Variants in FBXO25 observed in about 807,000 individuals in gnomAD.
The protein encoded by FBXO25 is F-box only protein 25.
Under a neutral mutation model 51.9 loss-of-function variants are expected in FBXO25, and 45 were observed. The observed-to-expected ratio is 0.87, with a 90% confidence interval of 0.68 to 1.11. FBXO25 has a LOEUF of 1.11. FBXO25 is among the 50% of genes most tolerant of loss of function. The probability of loss-of-function intolerance (pLI) is 0.00; values close to 1 mark genes in which losing one functional copy is unlikely to be tolerated. For synonymous variants in FBXO25, 199 were observed against 151.0 expected (o/e 1.32, Z -2.33); for missense variants, 507 against 428.5 (o/e 1.18, Z -1.62).
chr8:410,083 C>T (rs143236091), intron 1 of FBXO25, among the ~76,000 whole-genome samples: 146 of 152,238 alleles, frequency 9.6e-4, no homozygotes, highest in African/African-American at 2.7e-3. Context: ...TGCTTCAGGG[C>T]GAAGATCGAG....
chr8:434,934 G>T lies in FBXO25; in HGVS notation c.289-681G>T, dbSNP rs191400767. Among the ~76,000 whole-genome samples the T allele has an allele frequency of 2.0e-5, 3 of 151,976 alleles. No individual in the cohort carries two copies. The East Asian group carries it at 5.8e-4, about 29-fold the overall frequency. On this transcript the variant is annotated intron_variant, in intron 4 of 9. Transcript: ENST00000350302. ...TGGGTCTAAACACCAGTTTTTTTTG[G>T]TGTTTTGGGTTCTTGGCATCCGTGC...
rs1800373424 is a variant in FBXO25 at position 468,946 on chromosome 8, G to A, written c.*142G>A. 1.5e-6 allele frequency: 1 copy of A among 680,956 alleles called. No homozygotes were observed. Among genetic ancestry groups the A allele is most frequent in the African/African-American group, 1.8e-5 (1 of 54,718 alleles). 42.2% of individuals were successfully genotyped at this position (680,956 alleles called of 1,614,324 possible). ...CTGGGAAGAACTGCCCTTCTGCAAAGGGGGGACTGCATGGTTGCATTTTCA... is the reference window on the plus strand; with the variant it reads ...CTGGGAAGAACTGCCCTTCTGCAAAAGGGGGACTGCATGGTTGCATTTTCA... On this transcript the variant is annotated 3_prime_UTR_variant, in exon 10 of 10. Coordinates refer to ENST00000350302, the MANE Select transcript of FBXO25 (RefSeq NM_183420.2).
chr8:443,514 T>C (rs1231131197), intron 5 of FBXO25, among the ~76,000 whole-genome samples: 1 of 151,336 alleles, frequency 6.6e-6, no homozygotes, highest in Non-Finnish European at 1.5e-5. Flanking sequence ...TTTGACAGAG[T>C]CAAAATGGTT....
At chr8:464,886 G>C (rs976888626) in intron 9 of FBXO25, among the ~76,000 whole-genome samples, 4 of 152,166 alleles carry the variant, frequency 2.6e-5, no homozygotes, top group Admixed American at 6.5e-5. Flanking sequence ...GTTGTGTTAT[G>C]TGTTTTTGCA....
intron 5 of FBXO25, among the ~76,000 whole-genome samples, chr8:440,682 C>A (rs1304527564): frequency 1.3e-5 from 2 of 152,050 alleles, no homozygotes; most frequent in Admixed American, 1.3e-4. Context: ...TGGTTTGCTG[C>A]ACCCATCAAC....
At chr8:419,294 G>T (rs1014226073) in intron 2 of FBXO25, among the ~76,000 whole-genome samples, 18 of 152,302 alleles carry the variant, frequency 1.2e-4, no homozygotes, top group African/African-American at 3.6e-4. Context: ...ACTTGAACCT[G>T]GGAGGTGAAG....
intron 2 of FBXO25, among the ~76,000 whole-genome samples, chr8:425,946 T>G (rs1797447523): frequency 6.6e-6 from 1 of 151,796 alleles, no homozygotes; most frequent in African/African-American, 2.4e-5. Context: ...AAACACTTAG[T>G]TTCTTTGGTT....
At chr8:465,508 C>T (rs532369546) in intron 9 of FBXO25, among the ~76,000 whole-genome samples, 79 of 152,294 alleles carry the variant, frequency 5.2e-4, no homozygotes, top group Middle Eastern at 3.4e-3. Flanking sequence ...TTGGAGCTCT[C>T]CCTGTCTGCT....
At chr8:441,792 AT>A (rs1364272652) in intron 5 of FBXO25, among the ~76,000 whole-genome samples, 1 of 152,242 alleles carries the variant, frequency 6.6e-6, no homozygotes, top group African/African-American at 2.4e-5. Flanking sequence ...AGAAATGCAA[AT>A]CAAAACCACA....
Position 458,542 on chromosome 8 carries a change from T to A in FBXO25, c.834T>A (p.Ala278=). Residue 278 remains alanine, a synonymous_variant, in exon 8 of 10, where the codon GCT becomes GCA. Transcript: ENST00000350302. ...AGAAGCTTTGTCAGTACCATTTTGC[T>A]GAAAAGCAGGTGAGTGGGATGCAGC... ...LWKKLCQYHF[A]EKQFCRHLIL... 1 of 1,614,026 alleles carries A rather than the reference T, an allele frequency of 6.2e-7. No individual in the cohort carries two copies. Among genetic ancestry groups the A allele is most frequent in the Non-Finnish European group, 8.5e-7 (1 of 1,179,914 alleles).
At position 476,715 on chromosome 8, in the gene FBXO25, G is replaced by GT. The variant is rs936689533; in HGVS notation, c.*7916dup. 3 of 151,872 alleles carry GT rather than the reference G, an allele frequency of 2.0e-5. No homozygotes were observed. Among genetic ancestry groups the GT allele is most frequent in the Non-Finnish European group, 2.9e-5 (2 of 67,946 alleles). 9.4% of individuals were successfully genotyped at this position (151,872 alleles called of 1,614,324 possible). On this transcript the variant is annotated 3_prime_UTR_variant, in exon 10 of 10. Transcript: ENST00000350302. ...TAATGTCTCCTCCTGGTTTTTAGTT[G>GT]TTTTTCTTAGTCACTCTTAGCTATC...
At chr8:445,379 C>A (rs563184299) in intron 5 of FBXO25, among the ~76,000 whole-genome samples, 2 of 152,186 alleles carry the variant, frequency 1.3e-5, no homozygotes, top group Non-Finnish European at 1.5e-5. Flanking sequence ...ATTCTCTGTT[C>A]TGGTATTTCT....
At chr8:434,548 A>C (rs900345126) in intron 4 of FBXO25, among the ~76,000 whole-genome samples, 2 of 152,196 alleles carry the variant, frequency 1.3e-5, no homozygotes, top group Non-Finnish European at 2.9e-5. Flanking sequence ...GGCGCACAGA[A>C]GCACATGAGC....
chr8:438,923 C>G (rs989406646), intron 5 of FBXO25, among the ~76,000 whole-genome samples: 10 of 152,178 alleles, frequency 6.6e-5, no homozygotes, highest in African/African-American at 1.4e-4. Context: ...CGTCCCCATC[C>G]CAGTTGAGCC....
intron 5 of FBXO25, among the ~76,000 whole-genome samples, chr8:436,801 G>T (rs1273542119): frequency 6.6e-6 from 1 of 152,206 alleles, no homozygotes; most frequent in African/African-American, 2.4e-5. Context: ...TGATAGTTCA[G>T]ACCATACTGA....
chr8:452,749 G>A (rs1263673018), intron 7 of FBXO25, among the ~76,000 whole-genome samples: 1 of 152,214 alleles, frequency 6.6e-6, no homozygotes, highest in African/African-American at 2.4e-5. Flanking sequence ...GGAGAGAGAT[G>A]TGGAGCCAGT....
intron 3 of FBXO25, among the ~76,000 whole-genome samples, chr8:432,268 G>A (rs906495175): frequency 3.9e-5 from 6 of 151,970 alleles, no homozygotes; most frequent in African/African-American, 1.4e-4. Flanking sequence ...GGGAGGATTT[G>A]CATCCCAGGC....
Position 462,872 on chromosome 8 carries a change from C to G in FBXO25, c.844-135C>G, listed in dbSNP as rs1043943285. On this transcript the variant is annotated intron_variant, in intron 8 of 9. Transcript: ENST00000350302. ...TACAATTCATCCATGTAACCAAAAC[C>G]CACTTGTAACCCTAAAGCTATTGAA... The G allele has an allele frequency of 3.9e-6, 4 of 1,030,730 alleles. No individual in the cohort carries two copies. In the African/African-American group the frequency reaches 6.5e-5, roughly 17 times the overall value. The allele number at this position is 1,030,730 out of a possible 1,614,324, so 63.8% of individuals were successfully genotyped here. A position where few individuals can be genotyped will look rare whatever the true frequency, so the allele number is the denominator to read the frequency against.
In FBXO25 at chr8:475,651, A is replaced by T. The variant is rs941764335; in HGVS notation, c.*6847A>T. ...TTTTGCTTCCTTAAGTTTATTCCTA[A>T]ATATTTCAGTTTTTTTGTTACTATT... On this transcript the variant is annotated 3_prime_UTR_variant, in exon 10 of 10. Coordinates refer to ENST00000350302, the MANE Select transcript of FBXO25 (RefSeq NM_183420.2). The T allele has an allele frequency of 2.6e-5, 4 of 152,126 alleles. No individual in the cohort carries two copies. The highest frequency in any genetic ancestry group is 7.2e-5 in the African/African-American group (3 of 41,436). 9.4% of individuals were successfully genotyped at this position (152,126 alleles called of 1,614,324 possible). A position where few individuals can be genotyped will look rare whatever the true frequency, so the allele number is the denominator to read the frequency against.
Sources: gnomAD v4.1 joint callset for allele counts (sites outside exome capture counted in the v4.1 genomes callset) on GRCh38, gnomAD v4.1.1 for gene constraint, MANE v1.5 for transcripts, NCBI Gene and HGNC (gene_info 2026-07-23, HGNC 2026-07-21) for gene names.